The following OFD1 variants were observed in gnomAD, a reference collection of about 807,000 sequenced individuals.
OFD1 encodes OFD1 centriole and centriolar satellite protein, also known as centriole and centriolar satellite protein OFD1.
OFD1 carries 12 observed loss-of-function variants against 81.4 expected under a neutral mutation model. The ratio of observed to expected loss-of-function variants is 0.15; its 90% confidence interval spans 0.09 to 0.24. The LOEUF (loss-of-function observed/expected upper bound fraction) is 0.24. Among genes scored for constraint, OFD1 ranks in the 10% least tolerant of loss-of-function variants. OFD1 has a pLI of 1.00. For missense variants in OFD1, 685 were observed against 733.9 expected (o/e 0.93, Z 0.77); for synonymous variants, 256 against 263.7 (o/e 0.97, Z 0.28).
At chrX:13,760,057 A>G (rs967482374) in intron 15 of OFD1, 58 bp from the exon 16 acceptor site, 2 of 1,196,769 alleles carry the variant, frequency 1.7e-6, no homozygotes, top group South Asian at 1.8e-5. Flanking sequence ...ATTCTCAAGT[A>G]TATTTTCTTC....
intron 15 of OFD1, among the ~76,000 whole-genome samples, 174 bp downstream of exon 15, chrX:13,758,622 A>T (rs757963662): frequency 3.6e-5 from 4 of 111,796 alleles, no homozygotes; most frequent in Non-Finnish European, 7.5e-5. Flanking sequence ...TACCATCTGG[A>T]TCATCAGCAA....
Position 13,739,813 on chromosome X carries a change from A to G in OFD1, c.412+781A>G, listed in dbSNP as rs1180729374. On this transcript the variant is annotated intron_variant, in intron 5 of 22. Transcript: ENST00000340096. Reference sequence around the variant, plus strand: ...CTTAATTTTGGCCTTGATAATAGCCATTCATAGAGTCCATAACTACTGTGG... The same window carrying G: ...CTTAATTTTGGCCTTGATAATAGCCGTTCATAGAGTCCATAACTACTGTGG... 2.3e-5 allele frequency: 17 copies of G among 750,102 alleles called. No individual in the cohort carries two copies. The South Asian group carries it at 3.4e-4, about 15-fold the overall frequency. 61.8% of individuals were successfully genotyped at this position (750,102 alleles called of 1,213,427 possible).
intron 13 of OFD1, among the ~76,000 whole-genome samples, chrX:13,757,141 C>T (rs1429490917): frequency 8.9e-6 from 1 of 112,277 alleles, no homozygotes; most frequent in Non-Finnish European, 1.9e-5. Context: ...GCCCAAGGAG[C>T]GCTAACAGTA....
downstream of OFD1, chrX:13,772,760 A>G: frequency 1.7e-6 from 1 of 603,761 alleles, no homozygotes; most frequent in Non-Finnish European, 2.5e-6. Flanking sequence ...AGCTTGAGAC[A>G]GACAGTGAAG....
Position 13,757,776 on chromosome X carries a change from C to G in OFD1, c.1528C>G (p.Gln510Glu), listed in dbSNP as rs1056181938. 2.5e-6 allele frequency: 3 copies of G among 1,211,232 alleles called. No homozygotes were observed. The highest frequency in any genetic ancestry group is 2.2e-6 in the Non-Finnish European group (2 of 895,160). The part of the protein sequence containing the change: ...FESCRQALHK[Q>E]LQDEIEHSAQ... Reference sequence around the variant, plus strand: ...AAGCTGCAGGCAAGCTCTGCACAAACAACTGCAAGACGAAGTGAGTATTGC... The same window carrying G: ...AAGCTGCAGGCAAGCTCTGCACAAAGAACTGCAAGACGAAGTGAGTATTGC... Residue 510 changes from glutamine (Q) to glutamate (E), a missense_variant, in exon 14 of 23, where the codon CAA (glutamine) becomes GAA (glutamate). By Grantham distance (29) the Gln-to-Glu change is conservative. Coordinates refer to ENST00000340096, the MANE Select transcript of OFD1 (RefSeq NM_003611.3).
At chrX:13,752,792 G>A (rs1194583342) in intron 10 of OFD1, 8 of 968,935 alleles carry the variant, frequency 8.3e-6, no homozygotes. Context: ...TTCGCCACAG[G>A]AGTGCTTCTA....
At chrX:13,722,208 C>CCAAAAAAAAAAAAAAAAA in the OFD1 span, 1 of 36,116 alleles carries the variant, frequency 2.8e-5, no homozygotes, top group African/African-American at 1.2e-4. Flanking sequence ...TAAGCAGCAG[C>CCAAAAAAAAAAAAAAAAA]AAAAAAAAAA....
At position 13,760,292 on chromosome X, in the gene OFD1, A is replaced by G; in HGVS notation, c.1832A>G (p.Tyr611Cys). ...ARMVASRITN[Y>C]PTAWVEGSSP... ...ATGGTTGCATCAAGGATCACAAATT[A>G]TCCAACTGCATGGGTGGAGGGTAGT... is the stretch of plus-strand genomic sequence containing the variant. Residue 611 changes from tyrosine to cysteine, a missense_variant, in exon 16 of 23, where the codon TAT becomes TGT. Physicochemically the swap from Tyr to Cys is radical, Grantham distance 194. This residue lies in a region of OFD1 where 414 missense variants were observed against 447.2 expected (regional missense o/e 0.93). Transcript: ENST00000340096. 8.3e-7 allele frequency: 1 copy of G among 1,211,721 alleles called. No homozygotes were observed. Among genetic ancestry groups the G allele is most frequent in the Non-Finnish European group, 1.1e-6 (1 of 895,235 alleles).
chrX:13,735,044 G>C lies in OFD1; in HGVS notation c.-28G>C, dbSNP rs1282316516. 5 of 1,184,600 alleles carry C rather than the reference G, an allele frequency of 4.2e-6. No homozygotes were observed. The highest frequency in any genetic ancestry group is 5.7e-6 in the Non-Finnish European group (5 of 884,696). ...ACTCGGGCCGCGGCGGGGCGAGCGA[G>C]GCGGGCTCCGGAGGGAGCTGACGCC... On this transcript the variant is annotated 5_prime_UTR_variant, in exon 1 of 23. Coordinates refer to ENST00000340096, the MANE Select transcript of OFD1 (RefSeq NM_003611.3).
intron 8 of OFD1, among the ~76,000 whole-genome samples, chrX:13,749,079 C>T (rs776290925): frequency 2.7e-4 from 28 of 105,577 alleles, no homozygotes; most frequent in African/African-American, 9.7e-4. Context: ...CCAAGATCAC[C>T]CCACTGCACT....
chrX:13,756,199 T>C (rs1427538501), intron 12 of OFD1, among the ~76,000 whole-genome samples: 3 of 111,005 alleles, frequency 2.7e-5, no homozygotes, highest in Non-Finnish European at 3.8e-5. Flanking sequence ...AGCAATCCTC[T>C]TGCCTCAGCC....
chrX:13,717,453 A>AT, the OFD1 span, among the ~76,000 whole-genome samples: 9 of 112,103 alleles, frequency 8.0e-5, no homozygotes, highest in African/African-American at 2.9e-4. Flanking sequence ...TTGAAAATAC[A>AT]TTTTTTGGCC....
intron 8 of OFD1, among the ~76,000 whole-genome samples, chrX:13,747,346 C>T (rs1212713412): frequency 9.0e-6 from 1 of 111,486 alleles, no homozygotes; most frequent in East Asian, 2.8e-4. Context: ...GAGGGCTCAG[C>T]TGTGGTTGGG....
At chrX:13,772,854 C>T (rs898272539), downstream of OFD1, 6 of 1,198,990 alleles carry the variant, frequency 5.0e-6, no homozygotes, top group East Asian at 8.9e-5. Flanking sequence ...GCTGTAAATA[C>T]GTCGGCCGAA....
upstream of OFD1, chrX:13,734,559 CA>C (rs1194209677): frequency 4.7e-6 from 2 of 428,133 alleles, no homozygotes; most frequent in Middle Eastern, 1.0e-3. Context: ...AACGCAATGT[CA>C]GTTTCCGCGG....
At chrX:13,714,907 C>G in the OFD1 span, among the ~76,000 whole-genome samples, 1 of 112,346 alleles carries the variant, frequency 8.9e-6, no homozygotes, top group Non-Finnish European at 1.9e-5. Flanking sequence ...AATCTTTTAA[C>G]AATCAGGTTT....
At chrX:13,716,146 C>A in the OFD1 span, 3 of 1,088,602 alleles carry the variant, frequency 2.8e-6, no homozygotes, top group Admixed American at 2.7e-5. Context: ...GCAACCAGTT[C>A]GTTGATACAG....
chrX:13,715,867 C>T, the OFD1 span: 1 of 1,015,614 alleles, frequency 9.8e-7, no homozygotes, highest in East Asian at 3.8e-5. Context: ...GAGGGAGTTG[C>T]CAGAGATAGT....
intron 10 of OFD1, among the ~76,000 whole-genome samples, chrX:13,751,586 C>T (rs1170310184): frequency 9.0e-6 from 1 of 111,593 alleles, no homozygotes; most frequent in African/African-American, 3.3e-5. Context: ...ATAATCCCAG[C>T]ACTCTGGGAG....
Sources: allele counts gnomAD v4.1 joint callset (sites outside exome capture counted in the v4.1 genomes callset), GRCh38; gene constraint gnomAD v4.1.1; regional missense constraint gnomAD v4.1.1; transcripts MANE v1.5; gene names NCBI Gene and HGNC (gene_info 2026-07-23, HGNC 2026-07-21).